Variants in EXOC4 observed in about 807,000 individuals in gnomAD.
The protein encoded by EXOC4 is SEC8-like 1.
A neutral mutation model predicts 107.2 loss-of-function variants in EXOC4; 71 were observed. The observed-to-expected ratio is 0.66, with a 90% CI of 0.55 to 0.81. The LOEUF is 0.81. Ranked by LOEUF, EXOC4 falls within the 30% of genes least tolerant of loss-of-function variation. The pLI is 0.00. For synonymous variants in EXOC4, 456 were observed against 441.2 expected (o/e 1.03, Z -0.42); for missense variants, 1,108 against 1,189.6 (o/e 0.93, Z 1.01).
chr7:133,311,176 T>G (rs1794862499), intron 4 of EXOC4, among the ~76,000 whole-genome samples: 1 of 152,084 alleles, frequency 6.6e-6, no homozygotes, highest in Non-Finnish European at 1.5e-5. Flanking sequence ...TCAAATGAAA[T>G]CTAAAGTTCA....
chr7:133,944,764 C>A (rs972209886), intron 14 of EXOC4, among the ~76,000 whole-genome samples: 5 of 152,082 alleles, frequency 3.3e-5, no homozygotes, highest in Non-Finnish European at 7.4e-5. Context: ...TCTTGTGGGT[C>A]TGAAAGACTC....
chr7:133,654,793 C>T (rs2483507), intron 10 of EXOC4, among the ~76,000 whole-genome samples: 65,255 of 152,008 alleles, frequency 0.43, 14,921 homozygotes, highest in Admixed American at 0.57. Flanking sequence ...TACTACACGC[C>T]TAGGCTGTAT....
intron 10 of EXOC4, among the ~76,000 whole-genome samples, chr7:133,653,200 T>C (rs1201658718): frequency 1.3e-5 from 2 of 152,182 alleles, no homozygotes; most frequent in African/African-American, 4.8e-5. Context: ...AAGATCATTA[T>C]TAATATTAAT....
intron 6 of EXOC4, among the ~76,000 whole-genome samples, chr7:133,364,633 GA>G (rs1283881690): frequency 2.6e-5 from 4 of 152,140 alleles, no homozygotes; most frequent in African/African-American, 9.7e-5. Context: ...GGGCCCACAG[GA>G]CTCTATGCCT....
intron 11 of EXOC4, 25 bp downstream of exon 11, chr7:133,817,569 A>C: frequency 6.6e-7 from 1 of 1,526,016 alleles, no homozygotes; most frequent in Non-Finnish European, 9.1e-7. Flanking sequence ...TGAACTTACT[A>C]TTTTTATCAG....
At chr7:133,451,489 A>T (rs1269991384) in intron 7 of EXOC4, among the ~76,000 whole-genome samples, 1 of 94,158 alleles carries the variant, frequency 1.1e-5, no homozygotes, top group South Asian at 4.6e-4. Context: ...TAATTTACTA[A>T]TATTTTATTT....
intron 9 of EXOC4, among the ~76,000 whole-genome samples, chr7:133,543,143 G>C (rs1800412338): frequency 6.6e-6 from 1 of 151,912 alleles, no homozygotes; most frequent in African/African-American, 2.4e-5. Context: ...ATACCCTTTG[G>C]TATTGATTTT....
intron 9 of EXOC4, among the ~76,000 whole-genome samples, chr7:133,573,196 C>A (rs748604400): frequency 6.6e-6 from 1 of 152,132 alleles, no homozygotes; most frequent in Non-Finnish European, 1.5e-5. Flanking sequence ...AAATACTAAT[C>A]TGTGATATAT....
At chr7:133,766,006 G>T (rs1189720096) in intron 10 of EXOC4, among the ~76,000 whole-genome samples, 1 of 151,922 alleles carries the variant, frequency 6.6e-6, no homozygotes. Context: ...ATGATATCTG[G>T]TAAAGTTCAG....
chr7:134,030,661 AC>A (rs1795247735), intron 17 of EXOC4, among the ~76,000 whole-genome samples: 1 of 150,698 alleles, frequency 6.6e-6, no homozygotes, highest in Non-Finnish European at 1.5e-5. Flanking sequence ...AACCTTGTTG[AC>A]CCGCACCCCC....
At chr7:133,519,239 C>A (rs936728137) in intron 9 of EXOC4, among the ~76,000 whole-genome samples, 2 of 151,852 alleles carry the variant, frequency 1.3e-5, no homozygotes, top group East Asian at 1.9e-4. Context: ...ACATAGCAAA[C>A]CCTTGTCTCT....
chr7:133,527,726 G>T (rs1800107129), intron 9 of EXOC4, among the ~76,000 whole-genome samples: 1 of 152,094 alleles, frequency 6.6e-6, no homozygotes, highest in Non-Finnish European at 1.5e-5. Context: ...TAAAAAAATG[G>T]CTGTAGTTGA....
At chr7:133,648,854 G>A (rs1019539489) in intron 10 of EXOC4, among the ~76,000 whole-genome samples, 3 of 152,022 alleles carry the variant, frequency 2.0e-5, no homozygotes, top group East Asian at 1.9e-4. Flanking sequence ...AAACAATGTC[G>A]GCAACAATTT....
intron 9 of EXOC4, among the ~76,000 whole-genome samples, chr7:133,500,894 G>A (rs1277948356): frequency 6.6e-6 from 1 of 152,122 alleles, no homozygotes; most frequent in Non-Finnish European, 1.5e-5. Flanking sequence ...GGCCTTGGAA[G>A]TTAGAATCAA....
chr7:134,078,472 T>C, the EXOC4 span, among the ~76,000 whole-genome samples: 1,083 of 152,258 alleles, frequency 7.1e-3, 5 homozygotes, highest in Middle Eastern at 0.024. Flanking sequence ...AGCCCCTTTT[T>C]CCTTAGGAAC....
At chr7:134,088,697 A>G in the EXOC4 span, among the ~76,000 whole-genome samples, 7 of 152,318 alleles carry the variant, frequency 4.6e-5, no homozygotes, top group South Asian at 1.4e-3. Context: ...ACAGCTGACT[A>G]TAAACCACCT....
chr7:133,374,736 A>T, intron 6 of EXOC4, 92 bp from the exon 7 acceptor site: 2 of 990,900 alleles, frequency 2.0e-6, no homozygotes, highest in Non-Finnish European at 3.0e-6. Flanking sequence ...GTAGAATGCT[A>T]CTTTAGTTTG....
intron 11 of EXOC4, among the ~76,000 whole-genome samples, chr7:133,858,965 C>A (rs1798476485): frequency 6.6e-6 from 1 of 152,088 alleles, no homozygotes; most frequent in South Asian, 2.1e-4. Context: ...CTCTTTGTTG[C>A]CATCTTTTGT....
intron 9 of EXOC4, among the ~76,000 whole-genome samples, chr7:133,513,163 T>A (rs1459093651): frequency 2.0e-5 from 3 of 152,294 alleles, no homozygotes; most frequent in Middle Eastern, 3.4e-3. Context: ...CTGGTATTTT[T>A]AAAAATTTTT....
Sources: allele counts gnomAD v4.1 joint callset (sites outside exome capture counted in the v4.1 genomes callset), GRCh38; gene constraint gnomAD v4.1.1; transcripts MANE v1.5; gene names NCBI Gene and HGNC (gene_info 2026-07-23, HGNC 2026-07-21).